The following LRRC39 variants were observed in gnomAD, a reference collection of about 807,000 sequenced individuals.
LRRC39 encodes leucine-rich repeat-containing protein 39.
In LRRC39, 35 loss-of-function variants were observed where a neutral mutation model predicts 39.7. The observed-to-expected ratio is 0.88, with a 90% CI of 0.67 to 1.17. LRRC39 has a LOEUF of 1.17. LRRC39 is among the 50% of genes most tolerant of loss of function. LRRC39 has a pLI of 0.00. For missense variants in LRRC39, 357 were observed against 385.8 expected (o/e 0.93, Z 0.62); for synonymous variants, 113 against 134.1 (o/e 0.84, Z 1.09).
upstream of LRRC39, among the ~76,000 whole-genome samples, chr1:100,179,499 C>CAAAA (rs60588308): frequency 0.55 from 25,109 of 45,290 alleles, 7,453 homozygotes; most frequent in East Asian, 0.77. Flanking sequence ...CTGTATCTAC[C>CAAAA]AAAAAAAAAA....
At chr1:100,170,042 A>G (rs1326989089) in intron 2 of LRRC39, among the ~76,000 whole-genome samples, 1 of 152,188 alleles carries the variant, frequency 6.6e-6, no homozygotes, top group Non-Finnish European at 1.5e-5. Context: ...AGTTAAAGAA[A>G]AGACAAAATC....
intron 1 of LRRC39, among the ~76,000 whole-genome samples, chr1:100,174,583 G>C (rs1467517297): frequency 1.3e-5 from 2 of 151,954 alleles, no homozygotes; most frequent in Admixed American, 6.6e-5. Flanking sequence ...ACAGGTGTGA[G>C]CCACCACACC....
At position 100,169,566 on chromosome 1, in the gene LRRC39, C is replaced by T. The variant is rs116018771; in HGVS notation, c.-78-972G>A. On this transcript the variant is annotated intron_variant, in intron 2 of 9. Transcript: ENST00000370137. ...TATTGTAAACAACCTAATATTTCAT[C>T]GGTAAACTATAGTCTACCCATATCA... 8.4e-3 allele frequency among the ~76,000 whole-genome samples: 1,283 copies of T among 151,946 alleles called. 11 individuals carry two copies. Among genetic ancestry groups the T allele is most frequent in the Non-Finnish European group, 0.013 (906 of 67,888 alleles).
At chr1:100,156,642 G>A (rs574616475) in intron 6 of LRRC39, among the ~76,000 whole-genome samples, 82 of 152,180 alleles carry the variant, frequency 5.4e-4, no homozygotes, top group Middle Eastern at 3.4e-3. Context: ...CTTTGATCCA[G>A]TAGTTGAGAA....
chr1:100,160,114 A>G (rs1353319643), intron 4 of LRRC39, among the ~76,000 whole-genome samples: 1 of 152,200 alleles, frequency 6.6e-6, no homozygotes, highest in Non-Finnish European at 1.5e-5. Flanking sequence ...AAATACTAAT[A>G]TTTCCATTCC....
rs1659406255 is a variant in LRRC39, at chr1:100,168,636, A to G, written c.-78-42T>C. On this transcript the variant is annotated intron_variant, in intron 2 of 9. Coordinates refer to ENST00000370137, the MANE Select transcript of LRRC39 (RefSeq NM_144620.4). Reference sequence around the variant, plus strand: ...AAAAAAGCAATGTTTCAGACTGTTCATTGAGTACCATAATGATCATAATAG... The same window carrying G: ...AAAAAAGCAATGTTTCAGACTGTTCGTTGAGTACCATAATGATCATAATAG... 1.4e-5 allele frequency: 10 copies of G among 695,712 alleles called. No homozygotes were observed. In the South Asian group the frequency reaches 1.7e-4, roughly 12 times the overall value. The allele number at this position is 695,712 out of a possible 1,614,324, so 43.1% of individuals were successfully genotyped here.
chr1:100,153,451 A>G (rs1198629754), intron 8 of LRRC39, among the ~76,000 whole-genome samples: 1 of 152,210 alleles, frequency 6.6e-6, no homozygotes, highest in African/African-American at 2.4e-5. Context: ...AAATAGACAA[A>G]TGAGATTTAA....
chr1:100,152,359 ATC>A, intron 9 of LRRC39, 24 bp downstream of exon 9: 1 of 1,600,616 alleles, frequency 6.2e-7, no homozygotes, highest in Admixed American at 1.7e-5. Context: ...AAAACATTTA[ATC>A]TGTGTTATAT....
intron 1 of LRRC39, among the ~76,000 whole-genome samples, chr1:100,174,647 A>G (rs1659842804): frequency 6.6e-6 from 1 of 152,220 alleles, no homozygotes; most frequent in African/African-American, 2.4e-5. Context: ...TTGAATATCT[A>G]TGTATTACCA....
upstream of LRRC39, among the ~76,000 whole-genome samples, chr1:100,179,204 T>C (rs1031994062): frequency 2.0e-5 from 3 of 152,146 alleles, no homozygotes; most frequent in South Asian, 6.2e-4. Flanking sequence ...AATTTATGCC[T>C]GATTATCTCA....
At chr1:100,165,725 A>G (rs1570774157) in intron 3 of LRRC39, among the ~76,000 whole-genome samples, 1 of 151,950 alleles carries the variant, frequency 6.6e-6, no homozygotes, top group East Asian at 1.9e-4. Flanking sequence ...TCCCCACCCA[A>G]ATCTCATCTT....
intron 3 of LRRC39, among the ~76,000 whole-genome samples, chr1:100,160,792 T>C (rs1342062085): frequency 6.6e-6 from 1 of 151,662 alleles, no homozygotes; most frequent in Non-Finnish European, 1.5e-5. Flanking sequence ...ACCCGGCTAA[T>C]TTTTTGTATT....
At position 100,148,592 on chromosome 1, in the gene LRRC39, T is replaced by C; in HGVS notation, c.*450A>G. 1.3e-6 allele frequency: 2 copies of C among 1,573,280 alleles called. No individual in the cohort carries two copies. The highest frequency in any genetic ancestry group is 1.7e-6 in the Non-Finnish European group (2 of 1,164,954). On this transcript the variant is annotated 3_prime_UTR_variant, in exon 10 of 10. Transcript: ENST00000370137. ...TTTTTTATAAACTTTTGCAAAATTT[T>C]AACAATGTTTTGTGTGTGTTTATTC...
intron 2 of LRRC39, among the ~76,000 whole-genome samples, chr1:100,170,917 GC>G (rs921273668): frequency 3.9e-5 from 6 of 152,106 alleles, no homozygotes; most frequent in Admixed American, 6.6e-5. Flanking sequence ...GATATACTAT[GC>G]AAACACTAAG....
intron 6 of LRRC39, among the ~76,000 whole-genome samples, chr1:100,157,691 T>C (rs1658568040): frequency 6.6e-6 from 1 of 152,244 alleles, no homozygotes; most frequent in East Asian, 1.9e-4. Flanking sequence ...AACTTTTATC[T>C]TGTAAAGTCA....
At chr1:100,162,765 G>A (rs545241223) in intron 3 of LRRC39, among the ~76,000 whole-genome samples, 27 of 152,278 alleles carry the variant, frequency 1.8e-4, no homozygotes, top group Non-Finnish European at 3.4e-4. Context: ...ATTTTAGGCT[G>A]TTAAAAGGAT....
At chr1:100,153,813 T>TG (rs1471137712) in intron 8 of LRRC39, among the ~76,000 whole-genome samples, 1 of 152,140 alleles carries the variant, frequency 6.6e-6, no homozygotes, top group Non-Finnish European at 1.5e-5. Flanking sequence ...TGGAGTACAG[T>TG]GGCGCAATCT....
chr1:100,176,901 T>C (rs1660004645), intron 1 of LRRC39, among the ~76,000 whole-genome samples: 1 of 152,184 alleles, frequency 6.6e-6, no homozygotes, highest in Admixed American at 6.5e-5. Flanking sequence ...ACAGTACTTT[T>C]AACAGAATAT....
intron 2 of LRRC39, among the ~76,000 whole-genome samples, chr1:100,171,503 CTT>C (rs748078318): frequency 9.2e-5 from 12 of 130,722 alleles, no homozygotes; most frequent in Admixed American, 3.1e-4. Context: ...TTTCTTTCTT[CTT>C]TTTTTTTTTT....
Sources: gnomAD v4.1 joint callset for allele counts (sites outside exome capture counted in the v4.1 genomes callset) on GRCh38, gnomAD v4.1.1 for gene constraint, MANE v1.5 for transcripts, NCBI Gene and HGNC (gene_info 2026-07-23, HGNC 2026-07-21) for gene names.